CACNA2D1: variants seen among roughly 807,000 people sequenced by gnomAD.
CACNA2D1 encodes calcium voltage-gated channel auxiliary subunit alpha2delta 1.
In CACNA2D1, 53 loss-of-function variants were observed where a neutral mutation model predicts 171.5. The observed-to-expected ratio is 0.31, with a 90% CI of 0.25 to 0.39. CACNA2D1 has a LOEUF of 0.39. Among genes scored for constraint, CACNA2D1 ranks in the 10% least tolerant of loss-of-function variants. The pLI is 1.00. For synonymous variants in CACNA2D1, 442 were observed against 443.1 expected, an observed-to-expected ratio of 1.00 and a Z score of 0.03; for missense variants, 903 against 1,299.8, an observed-to-expected ratio of 0.69 and a Z score of 4.69.
chr7:82,396,986 C>G (rs148514674), intron 1 of CACNA2D1, among the ~76,000 whole-genome samples: 1 of 152,138 alleles, frequency 6.6e-6, no homozygotes, highest in Non-Finnish European at 1.5e-5. Flanking sequence ...AATTGAAATG[C>G]GTTTCTTTTT....
chr7:82,388,697 C>T (rs1824724553), intron 1 of CACNA2D1, among the ~76,000 whole-genome samples: 1 of 152,170 alleles, frequency 6.6e-6, no homozygotes, highest in South Asian at 2.1e-4. Context: ...GCACCTTCTG[C>T]AGACGAGAAA....
At chr7:82,251,453 T>C (rs143032739) in intron 3 of CACNA2D1, among the ~76,000 whole-genome samples, 163 of 152,282 alleles carry the variant, frequency 1.1e-3, no homozygotes, top group African/African-American at 3.6e-3. Flanking sequence ...TGCATTTCAT[T>C]GTACATTCAT....
intron 3 of CACNA2D1, among the ~76,000 whole-genome samples, chr7:82,184,502 C>G (rs76384469): frequency 0.054 from 8,210 of 151,772 alleles, 300 homozygotes; most frequent in East Asian, 0.17. Flanking sequence ...TATTTCTCTT[C>G]TTCTTAAGTG....
chr7:82,192,564 T>G (rs1273858808), intron 3 of CACNA2D1, among the ~76,000 whole-genome samples: 1 of 150,266 alleles, frequency 6.7e-6, no homozygotes, highest in African/African-American at 2.4e-5. Flanking sequence ...AATATCTGTG[T>G]ATAAAGTAGA....
intron 5 of CACNA2D1, among the ~76,000 whole-genome samples, chr7:82,121,348 C>T (rs148847409): frequency 1.0e-3 from 154 of 152,276 alleles, no homozygotes; most frequent in African/African-American, 3.5e-3. Flanking sequence ...TGAGCCACCA[C>T]GCCCATCTTG....
At chr7:82,146,314 G>A (rs1364684001) in intron 4 of CACNA2D1, among the ~76,000 whole-genome samples, 1 of 146,460 alleles carries the variant, frequency 6.8e-6, no homozygotes, top group Admixed American at 6.9e-5. Context: ...ATATATACGT[G>A]TGTGTGTGTG....
At chr7:82,126,871 A>ATTGC (rs1790386110) in intron 5 of CACNA2D1, among the ~76,000 whole-genome samples, 1 of 152,226 alleles carries the variant, frequency 6.6e-6, no homozygotes, top group Non-Finnish European at 1.5e-5. Flanking sequence ...ACACCCAAAT[A>ATTGC]AAGCTTTCTT....
chr7:82,335,206 C>G lies in CACNA2D1; in HGVS notation c.223G>C (p.Ala75Pro), dbSNP rs1442131012. ...GCTGCAATTTCTACCAGCTGGCGTG[C>G]ATTATTTGGTTCCACAGTATACAAA... ...QDLYTVEPNN[A>P]RQLVEIAARD... Residue 75 changes from alanine to proline, a missense_variant, in exon 3 of 39, where the codon GCA becomes CCA. This residue lies in a region of CACNA2D1 where 189 missense variants were observed against 266.8 expected (regional missense o/e 0.71). Transcript: ENST00000356860. 1 of 1,612,820 alleles carries G rather than the reference C, an allele frequency of 6.2e-7. No homozygotes were observed. The highest frequency in any genetic ancestry group is 1.7e-5 in the Admixed American group (1 of 59,956).
Position 82,252,355 on chromosome 7 carries a change from A to G in CACNA2D1, c.295-81746T>C, listed in dbSNP as rs552494215. ...ACTTGCCTTTCAGTAACAGCTAATGAGTAGTGGAGCCAATATTTGAAAACT... is the reference window on the plus strand; with the variant it reads ...ACTTGCCTTTCAGTAACAGCTAATGGGTAGTGGAGCCAATATTTGAAAACT... On this transcript the variant is annotated intron_variant, in intron 3 of 38. Transcript: ENST00000356860. Among the ~76,000 whole-genome samples, 6 of 152,278 alleles carry G rather than the reference A, an allele frequency of 3.9e-5. No homozygotes were observed. The East Asian group carries it at 1.2e-3, about 29-fold the overall frequency.
chr7:82,340,684 A>C (rs1219926615), intron 2 of CACNA2D1, among the ~76,000 whole-genome samples: 2 of 152,348 alleles, frequency 1.3e-5, no homozygotes, highest in South Asian at 2.1e-4. Flanking sequence ...ATTAGGCATC[A>C]GGAAATAATG....
chr7:82,254,483 T>C (rs982757564), intron 3 of CACNA2D1, among the ~76,000 whole-genome samples: 1 of 152,156 alleles, frequency 6.6e-6, no homozygotes, highest in African/African-American at 2.4e-5. Flanking sequence ...GTAATGATTA[T>C]GACACTTTAA....
At chr7:82,336,209 T>C (rs908411978) in intron 2 of CACNA2D1, among the ~76,000 whole-genome samples, 5 of 152,178 alleles carry the variant, frequency 3.3e-5, no homozygotes, top group African/African-American at 1.2e-4. Flanking sequence ...ACCCTGCTTT[T>C]TTCTGGCACA....
At chr7:82,286,353 G>T (rs1810768514) in intron 3 of CACNA2D1, among the ~76,000 whole-genome samples, 1 of 151,922 alleles carries the variant, frequency 6.6e-6, no homozygotes, top group African/African-American at 2.4e-5. Flanking sequence ...TGCTGAAAAA[G>T]AAACAGATTT....
At chr7:82,142,575 A>G (rs568910616) in intron 4 of CACNA2D1, among the ~76,000 whole-genome samples, 48 of 152,314 alleles carry the variant, frequency 3.2e-4, no homozygotes, top group Admixed American at 5.2e-4. Flanking sequence ...TTTTATAGTC[A>G]ACAATTAAAA....
chr7:82,366,281 T>G (rs927416228), intron 1 of CACNA2D1, among the ~76,000 whole-genome samples: 1 of 152,170 alleles, frequency 6.6e-6, no homozygotes, highest in Non-Finnish European at 1.5e-5. Flanking sequence ...ATGCGTATAT[T>G]GTGTAATGCT....
chr7:82,426,438 A>T (rs1018560361), intron 1 of CACNA2D1, among the ~76,000 whole-genome samples: 2 of 152,126 alleles, frequency 1.3e-5, no homozygotes, highest in Non-Finnish European at 2.9e-5. Flanking sequence ...TCAGATACAA[A>T]TTCTTGAAAA....
At chr7:82,142,205 AT>A (rs1232674044) in intron 4 of CACNA2D1, among the ~76,000 whole-genome samples, 3 of 152,134 alleles carry the variant, frequency 2.0e-5, no homozygotes, top group African/African-American at 7.2e-5. Flanking sequence ...TTTCTTTCTG[AT>A]TTTTAACCAT....
intron 3 of CACNA2D1, among the ~76,000 whole-genome samples, chr7:82,192,399 A>AAT (rs57832901): frequency 2.7e-3 from 400 of 146,710 alleles, no homozygotes; most frequent in Admixed American, 3.3e-3. Context: ...AAACAGGGGA[A>AAT]ATATATATAT....
intron 3 of CACNA2D1, among the ~76,000 whole-genome samples, chr7:82,247,401 T>C (rs552772379): frequency 1.3e-5 from 2 of 152,028 alleles, no homozygotes; most frequent in Admixed American, 6.6e-5. Context: ...CCCCAGCTAC[T>C]TGAGAGGCTG....
Sources: gnomAD v4.1 joint callset for allele counts (sites outside exome capture counted in the v4.1 genomes callset) on GRCh38, gnomAD v4.1.1 for gene constraint, gnomAD v4.1.1 regional missense constraint, MANE v1.5 for transcripts, NCBI Gene and HGNC (gene_info 2026-07-23, HGNC 2026-07-21) for gene names.